TJAP1: variants seen among roughly 807,000 people sequenced by gnomAD.
The protein encoded by TJAP1 is tight junction-associated protein 1.
A neutral mutation model predicts 42.0 loss-of-function variants in TJAP1; 27 were observed. That is an observed-to-expected ratio of 0.64 (90% CI 0.47 to 0.89). The LOEUF is 0.89. TJAP1 is among the 40% of genes least tolerant of loss of function. The pLI is 0.00. For missense variants in TJAP1, 712 were observed against 726.9 expected (o/e 0.98, Z 0.24); for synonymous variants, 257 against 288.4 (o/e 0.89, Z 1.10).
chr6:43,496,184 A>T (rs553106804), intron 2 of TJAP1, among the ~76,000 whole-genome samples: 15 of 152,036 alleles, frequency 9.9e-5, no homozygotes, highest in Non-Finnish European at 2.2e-4. Flanking sequence ...GAAGCTCTTG[A>T]CTGCTCGCAT....
chr6:43,483,621 G>T (rs575758830), intron 2 of TJAP1, among the ~76,000 whole-genome samples: 1 of 152,302 alleles, frequency 6.6e-6, no homozygotes, highest in African/African-American at 2.4e-5. Flanking sequence ...GAGAGGAGTC[G>T]GTGGGAATGG....
chr6:43,477,958 T>C (rs1468434640), intron 1 of TJAP1, 129 bp from the exon 2 acceptor site: 1 of 152,422 alleles, frequency 6.6e-6, no homozygotes, highest in Non-Finnish European at 1.5e-5. Flanking sequence ...GAGGCCCGAC[T>C]GTATCTGGCC....
At chr6:43,500,680 A>T (rs1218159570) in intron 4 of TJAP1, 64 bp from the exon 5 acceptor site, 3 of 1,599,642 alleles carry the variant, frequency 1.9e-6, no homozygotes, top group Non-Finnish European at 2.6e-6. Flanking sequence ...GGCTATTTGG[A>T]GGGTGAGCCA....
At position 43,495,435 on chromosome 6, in the gene TJAP1, C is replaced by T. The variant is rs1438151917; in HGVS notation, c.-121-2446C>T. Among the ~76,000 whole-genome samples, 1 of 152,148 alleles carries T rather than the reference C, an allele frequency of 6.6e-6. No individual in the cohort carries two copies. The highest frequency in any genetic ancestry group is 1.5e-5 in the Non-Finnish European group (1 of 68,014). On this transcript the variant is annotated intron_variant, in intron 2 of 10. Transcript: ENST00000372449. This position sits in a 1 kb window ranked among gnomAD's most constrained non-coding sequence, Gnocchi z 4.6. ...CAGATTTCAGAAGTTGGAGCTAGGGCCTGGGTGTTGGGCACACCCTGTGTT... is the reference window on the plus strand; with the variant it reads ...CAGATTTCAGAAGTTGGAGCTAGGGTCTGGGTGTTGGGCACACCCTGTGTT...
chr6:43,487,136 T>G (rs367697558), intron 2 of TJAP1, among the ~76,000 whole-genome samples: 5 of 152,270 alleles, frequency 3.3e-5, no homozygotes, highest in African/African-American at 1.2e-4. Flanking sequence ...TACTATCTTG[T>G]GCCAATTGTG....
intron 2 of TJAP1, among the ~76,000 whole-genome samples, chr6:43,480,549 GT>G (rs201545069): frequency 0.014 from 2,133 of 151,986 alleles, 54 homozygotes; most frequent in African/African-American, 0.049. Flanking sequence ...ACGAAGTCTC[GT>G]TCTTGTCGCC....
At chr6:43,478,411 G>A (rs1378139951) in intron 2 of TJAP1, among the ~76,000 whole-genome samples, 179 bp downstream of exon 2, 7 of 152,214 alleles carry the variant, frequency 4.6e-5, no homozygotes, top group Non-Finnish European at 1.0e-4. Context: ...ACTTTTGAGA[G>A]TTGGTGTAGA....
intron 2 of TJAP1, among the ~76,000 whole-genome samples, chr6:43,482,739 G>A (rs1354641844): frequency 1.3e-5 from 2 of 152,192 alleles, no homozygotes; most frequent in African/African-American, 2.4e-5. Flanking sequence ...TTATGATGCC[G>A]TGGTGCATGT....
chr6:43,505,236 AC>A lies in TJAP1; in HGVS notation c.1056del (p.Tyr352Ter), dbSNP rs1256302092. 1 of 1,613,900 alleles carries A rather than the reference AC, an allele frequency of 6.2e-7. No individual in the cohort carries two copies. On this transcript the variant is annotated frameshift_variant, in exon 11 of 11. Coordinates refer to ENST00000372449, the Ensembl canonical transcript of TJAP1. LOFTEE classifies it high-confidence loss of function. This position sits in a 1 kb window ranked among gnomAD's most constrained non-coding sequence, Gnocchi z 5.5. ...AACAGCCCCCTGCCCAACTGCACTT[AC>A]GCTACCCGCCAGGCCATTTCCCTGA...
intron 2 of TJAP1, among the ~76,000 whole-genome samples, chr6:43,484,371 A>G (rs1293158940): frequency 1.3e-5 from 2 of 152,200 alleles, no homozygotes; most frequent in South Asian, 2.1e-4. Flanking sequence ...AGGCAGGAGA[A>G]TCGCTTGAAC....
rs1438568626 is a variant in TJAP1, at chr6:43,495,355, T to C, written c.-121-2526T>C. Among the ~76,000 whole-genome samples the C allele has an allele frequency of 6.6e-6, 1 of 152,212 alleles. No homozygotes were observed. Among genetic ancestry groups the C allele is most frequent in the Non-Finnish European group, 1.5e-5 (1 of 68,024 alleles). ...CTGTGGGCTGCCAGGCCCGTTGTAT[T>C]CCTGTTCATTGCTGGAACTGTGGGC... On this transcript the variant is annotated intron_variant, in intron 2 of 10. Coordinates refer to ENST00000372449, the Ensembl canonical transcript of TJAP1. This position sits in a 1 kb window ranked among gnomAD's most constrained non-coding sequence, Gnocchi z 4.6.
At chr6:43,503,761 ACTC>A (rs767078381) in intron 10 of TJAP1, 55 bp downstream of exon 10, 4 of 1,452,402 alleles carry the variant, frequency 2.8e-6, no homozygotes, top group Non-Finnish European at 3.9e-6. Context: ...CCACTGTAGG[ACTC>A]CTCTAACTCC....
intron 2 of TJAP1, among the ~76,000 whole-genome samples, chr6:43,486,649 C>G (rs545042787): frequency 2.6e-5 from 4 of 152,296 alleles, no homozygotes; most frequent in Admixed American, 2.0e-4. Flanking sequence ...AGCCACCATG[C>G]CCGGCTCCAG....
rs1419078417 is a variant in TJAP1 at position 43,502,074 on chromosome 6, A to ACTCT, written c.291-208_291-207insTCTC. 3.6e-3 allele frequency among the ~76,000 whole-genome samples: 341 copies of ACTCT among 94,740 alleles called. 37 individuals are homozygous for ACTCT. The highest frequency in any genetic ancestry group is 0.013 in the East Asian group (50 of 3,852). 62.2% of individuals were successfully genotyped at this position (94,740 alleles called of 152,430 possible). Reference sequence around the variant, plus strand: ...CACACACACACACACACACACACACACACTCTCTCTCTCTCTCTCTCTCTC... The same window carrying ACTCT: ...CACACACACACACACACACACACACACTCTCACTCTCTCTCTCTCTCTCTCTCTC... On this transcript the variant is annotated intron_variant, in intron 6 of 10. Coordinates refer to ENST00000372449, the Ensembl canonical transcript of TJAP1.
chr6:43,505,664 G>A lies in TJAP1; in HGVS notation c.1483G>A (p.Glu495Lys), dbSNP rs1429582803. Reference sequence around the variant, plus strand: ...GAACCTGCCTATCAGTCCTGAGGAAGAGCGCCAGAGCCTGCTGCCCATTAA... The same window carrying A: ...GAACCTGCCTATCAGTCCTGAGGAAAAGCGCCAGAGCCTGCTGCCCATTAA... The change falls in exon 11 of 11, where the codon GAG becomes AAG. Residue 495 changes from glutamate (E) to lysine (K), a missense_variant. This residue lies in a region of TJAP1 where 549 missense variants were observed against 528.2 expected (regional missense o/e 1.04). Transcript: ENST00000372449. This position sits in a 1 kb window ranked among gnomAD's most constrained non-coding sequence, Gnocchi z 5.5. 1 of 1,609,900 alleles carries A rather than the reference G, an allele frequency of 6.2e-7. No homozygotes were observed. Among genetic ancestry groups the A allele is most frequent in the East Asian group, 2.2e-5 (1 of 44,786 alleles).
chr6:43,487,886 T>TTTTTTTTTTTGTTG (rs1786891448), intron 2 of TJAP1, among the ~76,000 whole-genome samples: 1 of 151,164 alleles, frequency 6.6e-6, no homozygotes, highest in African/African-American at 2.4e-5. Context: ...TTTTTTTTTT[T>TTTTTTTTTTTGTTG]GAGATGGAGT....
exon 10 of TJAP1, chr6:43,503,704 G>T: frequency 6.2e-7 from 1 of 1,613,906 alleles, no homozygotes; most frequent in South Asian, 1.1e-5. Context: ...CAAGTTTGCC[G>T]ATGTGAGTAG....
At chr6:43,483,066 G>A (rs902748017) in intron 2 of TJAP1, among the ~76,000 whole-genome samples, 9 of 151,782 alleles carry the variant, frequency 5.9e-5, no homozygotes, top group African/African-American at 1.5e-4. Flanking sequence ...AGGTTTCAGT[G>A]AACCAAGATC....
In TJAP1 at chr6:43,503,793, T is replaced by C. The variant is rs1236492768; in HGVS notation, c.579+87T>C. The C allele has an allele frequency of 2.5e-6, 3 of 1,190,028 alleles. No individual in the cohort carries two copies. In the African/African-American group the frequency reaches 4.5e-5, roughly 18 times the overall value. 73.7% of individuals were successfully genotyped at this position (1,190,028 alleles called of 1,614,324 possible). ...TAACTCCAGTTTCTGCACCTCTCTC[T>C]GTCCTCCTCTTCCCACTTTGCCCTC... is the stretch of plus-strand genomic sequence containing the variant. On this transcript the variant is annotated intron_variant, in intron 10 of 10. Coordinates refer to ENST00000372449, the Ensembl canonical transcript of TJAP1.
Sources: allele counts gnomAD v4.1 joint callset (sites outside exome capture counted in the v4.1 genomes callset), GRCh38; gene constraint gnomAD v4.1.1; regional missense constraint gnomAD v4.1.1; non-coding constraint Gnocchi (gnomAD v3.1); transcripts MANE v1.5; gene names NCBI Gene and HGNC (gene_info 2026-07-23, HGNC 2026-07-21).